Variants in PDIA5 observed in about 807,000 individuals in gnomAD.
PDIA5 encodes protein disulfide-isomerase A5.
PDIA5 carries 58 observed loss-of-function variants against 77.6 expected under a neutral mutation model. The ratio of observed to expected loss-of-function variants is 0.75; its 90% CI spans 0.61 to 0.93. The LOEUF (loss-of-function observed/expected upper bound fraction) is 0.93. PDIA5 is among the 40% of genes least tolerant of loss of function. PDIA5 has a pLI of 0.00. For synonymous variants in PDIA5, 250 were observed against 252.1 expected, an observed-to-expected ratio of 0.99 and a Z score of 0.08; for missense variants, 630 against 647.7, an observed-to-expected ratio of 0.97 and a Z score of 0.30.
At chr3:123,132,292 C>T (rs1310280441) in intron 11 of PDIA5, among the ~76,000 whole-genome samples, 3 of 152,182 alleles carry the variant, frequency 2.0e-5, no homozygotes, top group African/African-American at 7.2e-5. Flanking sequence ...CCCACAGTAT[C>T]CATGAGTTTG....
chr3:123,124,169 A>AC lies in PDIA5; in HGVS notation c.701+13dup, dbSNP rs1419740966. The AC allele has an allele frequency of 6.2e-7, 1 of 1,609,002 alleles. No homozygotes were observed. The highest frequency in any genetic ancestry group is 8.5e-7 in the Non-Finnish European group (1 of 1,175,442). Reference sequence around the variant, plus strand: ...ATCTGCTATTTTGAGTACGTCCCCCACTTTCCTTCTAAAGCTCACCTCCCT... The same window carrying AC: ...ATCTGCTATTTTGAGTACGTCCCCCACCTTTCCTTCTAAAGCTCACCTCCCT... On this transcript the variant is annotated intron_variant, in intron 9 of 16. Coordinates refer to ENST00000316218, the MANE Select transcript of PDIA5 (RefSeq NM_006810.4).
At chr3:123,133,114 A>G (rs1213649282) in intron 11 of PDIA5, among the ~76,000 whole-genome samples, 4 of 152,240 alleles carry the variant, frequency 2.6e-5, no homozygotes, top group African/African-American at 9.6e-5. Context: ...TTTGGAGCTC[A>G]GGACAGGTGA....
At chr3:123,137,933 G>T (rs1430941859) in intron 11 of PDIA5, among the ~76,000 whole-genome samples, 1 of 151,760 alleles carries the variant, frequency 6.6e-6, no homozygotes, top group Non-Finnish European at 1.5e-5. Context: ...TTTTTCATTT[G>T]TCTATTGTGC....
chr3:123,107,255 A>C (rs1934758733), intron 6 of PDIA5, among the ~76,000 whole-genome samples: 1 of 152,212 alleles, frequency 6.6e-6, no homozygotes, highest in Non-Finnish European at 1.5e-5. Context: ...GACTTGAGGC[A>C]GATCTCTACA....
chr3:123,113,516 A>G (rs1934917428), intron 7 of PDIA5, among the ~76,000 whole-genome samples: 1 of 152,212 alleles, frequency 6.6e-6, no homozygotes. Context: ...TCGGAGGTTA[A>G]GTTCAACTTT....
At chr3:123,125,013 C>T (rs1334305324) in intron 10 of PDIA5, among the ~76,000 whole-genome samples, 2 of 152,172 alleles carry the variant, frequency 1.3e-5, no homozygotes, top group African/African-American at 2.4e-5. Context: ...TTGGCTCCTG[C>T]CTCCTTACCT....
At chr3:123,142,745 G>A (rs1168949418) in intron 11 of PDIA5, among the ~76,000 whole-genome samples, 2 of 152,198 alleles carry the variant, frequency 1.3e-5, no homozygotes, top group Non-Finnish European at 1.5e-5. Context: ...TCCCAGAGGA[G>A]CCCTTAGGAG....
intron 7 of PDIA5, 22 bp downstream of exon 7, chr3:123,111,026 G>A: frequency 1.9e-6 from 3 of 1,604,198 alleles, no homozygotes; most frequent in Non-Finnish European, 2.6e-6. Flanking sequence ...TTCTCCCTTG[G>A]GCCAGAGCTA....
Position 123,129,830 on chromosome 3 carries a change from G to A in PDIA5, c.774-650G>A, listed in dbSNP as rs113751736. ...GGTAGAGTTGATTTGGCTTCTGGGA[G>A]AACTAAATAAGTTGGTTGTTGGCCT... On this transcript the variant is annotated intron_variant, in intron 10 of 16. Coordinates refer to ENST00000316218, the MANE Select transcript of PDIA5 (RefSeq NM_006810.4). Among the ~76,000 whole-genome samples, 588 of 152,292 alleles carry A rather than the reference G, an allele frequency of 3.9e-3. 3 individuals are homozygous for A. The highest frequency in any genetic ancestry group is 0.014 in the African/African-American group (568 of 41,566).
chr3:123,112,440 C>A (rs1031361832), intron 7 of PDIA5, among the ~76,000 whole-genome samples: 1 of 152,104 alleles, frequency 6.6e-6, no homozygotes, highest in African/African-American at 2.4e-5. Flanking sequence ...ATGACGCCCC[C>A]CAGCCGGATG....
chr3:123,131,182 A>G (rs1406794945), intron 11 of PDIA5, among the ~76,000 whole-genome samples: 1 of 152,124 alleles, frequency 6.6e-6, no homozygotes, highest in Non-Finnish European at 1.5e-5. Flanking sequence ...AGGTGGGAGG[A>G]TTGCTTGAGC....
intron 3 of PDIA5, among the ~76,000 whole-genome samples, chr3:123,100,653 C>G (rs979849523): frequency 2.6e-5 from 4 of 152,226 alleles, no homozygotes; most frequent in African/African-American, 9.6e-5. Context: ...CAGGGAGACA[C>G]TCCTCCTCTC....
chr3:123,110,363 G>A (rs561191743), intron 6 of PDIA5, among the ~76,000 whole-genome samples: 1 of 152,258 alleles, frequency 6.6e-6, no homozygotes, highest in South Asian at 2.1e-4. Flanking sequence ...TGTGTGCTCC[G>A]TGGACTCCTG....
intron 1 of PDIA5, among the ~76,000 whole-genome samples, chr3:123,071,325 A>G (rs1576429312): frequency 6.6e-6 from 1 of 152,024 alleles, no homozygotes. Flanking sequence ...CCACTCATCC[A>G]TCTCCCGCCT....
intron 1 of PDIA5, among the ~76,000 whole-genome samples, chr3:123,080,233 T>C (rs982776892): frequency 6.6e-6 from 1 of 152,172 alleles, no homozygotes; most frequent in African/African-American, 2.4e-5. Flanking sequence ...GACTTCTACA[T>C]ATTAGCATAT....
intron 14 of PDIA5, among the ~76,000 whole-genome samples, chr3:123,151,518 GACC>G (rs1334630034): frequency 6.6e-5 from 10 of 152,234 alleles, no homozygotes; most frequent in African/African-American, 2.4e-4. Flanking sequence ...GGAAGCCCTT[GACC>G]AGACGAAATA....
chr3:123,145,974 GC>G, intron 12 of PDIA5, 124 bp from the exon 13 acceptor site: 1 of 867,132 alleles, frequency 1.2e-6, no homozygotes, highest in African/African-American at 1.7e-5. Flanking sequence ...AGCCCACTGG[GC>G]TAGCCACCCC....
chr3:123,121,751 C>T (rs1392489343), intron 8 of PDIA5, among the ~76,000 whole-genome samples: 2 of 152,200 alleles, frequency 1.3e-5, no homozygotes, highest in African/African-American at 4.8e-5. Flanking sequence ...AGAGCACCTC[C>T]TAGTCCTAGT....
At chr3:123,075,829 C>T (rs143376135) in intron 1 of PDIA5, among the ~76,000 whole-genome samples, 1 of 152,020 alleles carries the variant, frequency 6.6e-6, no homozygotes, top group East Asian at 1.9e-4. Flanking sequence ...CCCAGAATAC[C>T]GAGCTCTGCG....
Sources: gnomAD v4.1 joint callset for allele counts (sites outside exome capture counted in the v4.1 genomes callset) on GRCh38, gnomAD v4.1.1 for gene constraint, MANE v1.5 for transcripts, NCBI Gene and HGNC (gene_info 2026-07-23, HGNC 2026-07-21) for gene names.